Variants in RBFOX1 observed in about 807,000 individuals in gnomAD.
RBFOX1 encodes the protein RNA binding fox-1 homolog 1.
Under a neutral mutation model 57.7 loss-of-function variants are expected in RBFOX1, and 8 were observed. The ratio of observed to expected loss-of-function variants is 0.14; its 90% CI spans 0.08 to 0.25. The LOEUF is 0.25. RBFOX1 is among the 10% of genes least tolerant of loss of function. The pLI is 1.00. For synonymous variants in RBFOX1, 326 were observed against 222.4 expected (o/e 1.47, Z -4.15); for missense variants, 611 against 548.5 (o/e 1.11, Z -1.14).
At chr16:7,183,169 G>A (rs983856140) in intron 4 of RBFOX1, among the ~76,000 whole-genome samples, 2 of 152,168 alleles carry the variant, frequency 1.3e-5, no homozygotes, top group African/African-American at 4.8e-5. Flanking sequence ...GGCAGAGTGG[G>A]TTGAGTCAGA....
chr16:6,939,078 C>T (rs2077873731), intron 3 of RBFOX1, among the ~76,000 whole-genome samples: 1 of 152,120 alleles, frequency 6.6e-6, no homozygotes, highest in East Asian at 1.9e-4. Context: ...TTGTTCTTTT[C>T]CTGTCATTTT....
At chr16:6,760,022 T>C (rs1692162204) in intron 3 of RBFOX1, among the ~76,000 whole-genome samples, 1 of 152,180 alleles carries the variant, frequency 6.6e-6, no homozygotes, top group Non-Finnish European at 1.5e-5. Flanking sequence ...AGTGAAATGG[T>C]GGAAGAATCG....
chr16:7,506,035 G>T (rs2073152263), intron 4 of RBFOX1, among the ~76,000 whole-genome samples: 1 of 151,606 alleles, frequency 6.6e-6, no homozygotes, highest in Admixed American at 6.6e-5. Flanking sequence ...AATACAAAAA[G>T]ATAGCCGGGC....
chr16:7,060,631 C>A (rs543730754), intron 4 of RBFOX1, among the ~76,000 whole-genome samples: 1 of 152,252 alleles, frequency 6.6e-6, no homozygotes, highest in East Asian at 1.9e-4. Context: ...TGACTCAGAA[C>A]CCCATCTGTC....
intron 3 of RBFOX1, among the ~76,000 whole-genome samples, chr16:6,838,417 C>G (rs1294003777): frequency 6.6e-6 from 1 of 152,100 alleles, no homozygotes; most frequent in Non-Finnish European, 1.5e-5. Flanking sequence ...TTTTCTTTAT[C>G]CAGTCTATTA....
chr16:5,618,342 G>T (rs1238001406), intron 3 of RBFOX1, among the ~76,000 whole-genome samples: 22 of 150,022 alleles, frequency 1.5e-4, no homozygotes, highest in Middle Eastern at 3.4e-3. Context: ...TTTTTTTTTT[G>T]TGTGTGTGTG....
rs570124998 is a variant in RBFOX1, at chr16:5,593,426, CACATGTAT to C, written c.259-5473_259-5466del. ...TGATGGGTGCAGCAAACCACCATGGCACATGTATACCTATGTAACAAACCTGCACTTTC... is the reference window on the plus strand; with the variant it reads ...TGATGGGTGCAGCAAACCACCATGGCACCTATGTAACAAACCTGCACTTTC... On this transcript the variant is annotated intron_variant, in intron 2 of 2. Transcript: ENST00000585867. Among the ~76,000 whole-genome samples the C allele has an allele frequency of 9.1e-3, 1,381 of 152,202 alleles. 11 individuals carry two copies. The highest frequency in any genetic ancestry group is 0.014 in the Non-Finnish European group (955 of 68,014).
At chr16:7,159,893 T>C (rs2077935655) in intron 4 of RBFOX1, among the ~76,000 whole-genome samples, 1 of 152,346 alleles carries the variant, frequency 6.6e-6, no homozygotes, top group Middle Eastern at 3.4e-3. Flanking sequence ...ATACTAATTA[T>C]TGCTAATATA....
At chr16:6,226,463 A>G (rs1273648410) in intron 1 of RBFOX1, among the ~76,000 whole-genome samples, 3 of 151,900 alleles carry the variant, frequency 2.0e-5, no homozygotes, top group Middle Eastern at 3.2e-3. Context: ...TGGCACAGGT[A>G]GTGAAACTGA....
At chr16:7,564,540 CAAAA>C (rs5815409) in intron 5 of RBFOX1, among the ~76,000 whole-genome samples, 3 of 82,516 alleles carry the variant, frequency 3.6e-5, no homozygotes, top group African/African-American at 1.9e-4. Flanking sequence ...GACTCCATCT[CAAAA>C]AAAAAAAAAA....
At chr16:5,529,053 C>G (rs901187033) in intron 2 of RBFOX1, among the ~76,000 whole-genome samples, 1 of 152,032 alleles carries the variant, frequency 6.6e-6, no homozygotes, top group African/African-American at 2.4e-5. Context: ...CTGCTTGTGC[C>G]AAGACCTGCT....
At chr16:6,786,206 A>T (rs1261025044) in intron 3 of RBFOX1, among the ~76,000 whole-genome samples, 2 of 152,030 alleles carry the variant, frequency 1.3e-5, no homozygotes, top group Non-Finnish European at 2.9e-5. Context: ...TTCCTTGGGG[A>T]GGGGTATGTC....
chr16:6,367,432 G>A (rs746291356), intron 2 of RBFOX1, among the ~76,000 whole-genome samples: 6 of 151,956 alleles, frequency 3.9e-5, no homozygotes, highest in African/African-American at 1.5e-4. Flanking sequence ...CACCATGCCC[G>A]GCTAATTTTT....
At chr16:6,542,085 C>T (rs1462566343) in intron 2 of RBFOX1, among the ~76,000 whole-genome samples, 1 of 152,034 alleles carries the variant, frequency 6.6e-6, no homozygotes, top group Admixed American at 6.6e-5. Flanking sequence ...TGCACCATCA[C>T]ACAGAGATAA....
chr16:6,018,323 G>T (rs191361793), upstream of RBFOX1, among the ~76,000 whole-genome samples: 383 of 152,322 alleles, frequency 2.5e-3, 3 homozygotes, highest in African/African-American at 8.6e-3. Flanking sequence ...AAGCATCTGT[G>T]AAATGGATAA....
At chr16:6,914,613 C>G (rs984505611) in intron 3 of RBFOX1, among the ~76,000 whole-genome samples, 3 of 152,076 alleles carry the variant, frequency 2.0e-5, no homozygotes, top group South Asian at 2.1e-4. Flanking sequence ...GTGGCTCACG[C>G]CTCTAATCGC....
At chr16:6,938,127 T>C (rs748120932) in intron 3 of RBFOX1, among the ~76,000 whole-genome samples, 1 of 152,162 alleles carries the variant, frequency 6.6e-6, no homozygotes, top group Non-Finnish European at 1.5e-5. Context: ...AATCTACATA[T>C]AGAAATTTTG....
intron 1 of RBFOX1, among the ~76,000 whole-genome samples, chr16:6,144,929 G>A (rs568869460): frequency 6.6e-5 from 10 of 152,244 alleles, no homozygotes; most frequent in Admixed American, 6.5e-4. Flanking sequence ...TTTGTATTCT[G>A]GAAAATGAAT....
chr16:7,239,793 A>G (rs1373047111), intron 4 of RBFOX1, among the ~76,000 whole-genome samples: 2 of 152,178 alleles, frequency 1.3e-5, no homozygotes, highest in Non-Finnish European at 2.9e-5. Context: ...AAAATGGGGC[A>G]TTTGGCTTAT....
Sources: gnomAD v4.1 joint callset for allele counts (sites outside exome capture counted in the v4.1 genomes callset) on GRCh38, gnomAD v4.1.1 for gene constraint, MANE v1.5 for transcripts, NCBI Gene and HGNC (gene_info 2026-07-23, HGNC 2026-07-21) for gene names.